The following ZNF16 variants were observed in gnomAD, a reference collection of about 807,000 sequenced individuals.
ZNF16 encodes the protein zinc finger protein KOX9.
ZNF16 carries 7 observed loss-of-function variants against 9.0 expected under a neutral mutation model. The ratio of observed to expected loss-of-function variants is 0.78; its 90% confidence interval spans 0.44 to 1.47. The LOEUF is 1.47. Ranked by LOEUF, ZNF16 falls within the 40% of genes most tolerant of loss-of-function variation. The probability of loss-of-function intolerance (pLI) is 0.01; values close to 1 mark genes in which losing one functional copy is unlikely to be tolerated. For missense variants in ZNF16, 830 were observed against 854.2 expected (o/e 0.97, Z 0.35); for synonymous variants, 312 against 301.5 (o/e 1.03, Z -0.36).
chr8:144,935,030 C>G (rs1284922852), intron 2 of ZNF16, among the ~76,000 whole-genome samples: 1 of 152,006 alleles, frequency 6.6e-6, no homozygotes, highest in Non-Finnish European at 1.5e-5. Flanking sequence ...AGATCAAAGT[C>G]TTTTATTGAG....
chr8:144,930,945 T>G lies in ZNF16; in HGVS notation c.1842A>C (p.Ser614=), dbSNP rs762714152. 2 of 1,613,770 alleles carry G rather than the reference T, an allele frequency of 1.2e-6. No homozygotes were observed. The highest frequency in any genetic ancestry group is 2.2e-5 in the South Asian group (2 of 91,010). ...VECGKGFSQS[S]HLIQHQIIHT... is the part of the protein sequence containing the mutation. ...GGATTATCTGATGCTGAATGAGGTG[T>G]GAGCTCTGGCTGAAGCCCTTACCAC... The change falls in exon 3 of 3, where the codon TCA becomes TCC. Residue 614 remains serine, a synonymous_variant. Transcript: ENST00000394909.
Position 144,930,591 on chromosome 8 carries a change from G to A in ZNF16, c.*147C>T, listed in dbSNP as rs997374939. Reference sequence around the variant, plus strand: ...GGGAGCCTGTAAAGGATGTTTCAAAGGAGGGTCCCAGGCTATGTGGCCACT... The same window carrying A: ...GGGAGCCTGTAAAGGATGTTTCAAAAGAGGGTCCCAGGCTATGTGGCCACT... On this transcript the variant is annotated 3_prime_UTR_variant, in exon 3 of 3. Coordinates refer to ENST00000394909, the MANE Select transcript of ZNF16 (RefSeq NM_006958.3). The A allele has an allele frequency of 6.1e-6, 5 of 819,680 alleles. No homozygotes were observed. The highest frequency in any genetic ancestry group is 9.2e-6 in the Non-Finnish European group (5 of 542,886). The allele number at this position is 819,680 out of a possible 1,614,324, so 50.8% of individuals were successfully genotyped here.
At chr8:144,950,463 G>A (rs1390955402) in intron 1 of ZNF16, 1 of 152,154 alleles carries the variant, frequency 6.6e-6, no homozygotes, top group Non-Finnish European at 1.5e-5. Context: ...CGCTCCGCCC[G>A]AGCTCGAATG....
intron 2 of ZNF16, among the ~76,000 whole-genome samples, chr8:144,937,137 C>CTTTTTTTTTTTT (rs1554659152): frequency 8.9e-6 from 1 of 112,992 alleles, no homozygotes. Flanking sequence ...CACTTTCTTT[C>CTTTTTTTTTTTT]TCTCTCTTTT....
chr8:144,950,027 A>C (rs1586964036), intron 1 of ZNF16, among the ~76,000 whole-genome samples: 1 of 152,192 alleles, frequency 6.6e-6, no homozygotes, highest in African/African-American at 2.4e-5. Context: ...CAGGAGAAAA[A>C]CTGCCCTATG....
At chr8:144,945,966 C>T (rs1056221960) in intron 2 of ZNF16, 45 bp downstream of exon 2, 2 of 1,607,998 alleles carry the variant, frequency 1.2e-6, no homozygotes, top group Admixed American at 1.7e-5. Flanking sequence ...ATGGACATCA[C>T]TTCCCCAGAA....
Position 144,930,817 on chromosome 8 carries a change from T to C in ZNF16, c.1970A>G (p.Tyr657Cys), listed in dbSNP as rs769058557. Reference sequence around the variant, plus strand: ...GGCTTTCCCACAAGCAGCACAGTCATAGGGCTTCACCCCAGTGTGAATCCT... The same window carrying C: ...GGCTTTCCCACAAGCAGCACAGTCACAGGGCTTCACCCCAGTGTGAATCCT... ...HQRIHTGVKP[Y>C]DCAACGKAFS... The change falls in exon 3 of 3, where the codon TAT (tyrosine) becomes TGT (cysteine). Residue 657 changes from tyrosine to cysteine, a missense_variant. Physicochemically the swap from Tyr to Cys is radical, Grantham distance 194. Transcript: ENST00000394909. 5 of 1,580,838 alleles carry C rather than the reference T, an allele frequency of 3.2e-6. No individual in the cohort carries two copies. Among genetic ancestry groups the C allele is most frequent in the African/African-American group, 2.7e-5 (2 of 74,002 alleles).
rs1251975852 is a variant in ZNF16 at position 144,947,161 on chromosome 8, A to G, written c.-9-946T>C. 7.2e-3 allele frequency among the ~76,000 whole-genome samples: 569 copies of G among 78,712 alleles called. 23 individuals carry two copies. The highest frequency in any genetic ancestry group is 0.03 in the African/African-American group (533 of 17,596). 51.6% of individuals were successfully genotyped at this position (78,712 alleles called of 152,430 possible). A position where few individuals can be genotyped will look rare whatever the true frequency, so the allele number is the denominator to read the frequency against. ...GGGCCATACCCTTCTGTGGGCCTGT[A>G]CCCTGCTGTGGGCCTGTGTCCTGCT... On this transcript the variant is annotated intron_variant, in intron 1 of 2. Transcript: ENST00000394909.
At chr8:144,950,121 G>A (rs1473280087) in intron 1 of ZNF16, among the ~76,000 whole-genome samples, 1 of 151,862 alleles carries the variant, frequency 6.6e-6, no homozygotes, top group African/African-American at 2.4e-5. Flanking sequence ...AAACAAATCT[G>A]GCCTACGTGC....
intron 1 of ZNF16, among the ~76,000 whole-genome samples, chr8:144,946,557 C>CCTGCTGTGGGCCCG (rs1554660315): frequency 8.2e-6 from 1 of 122,304 alleles, no homozygotes; most frequent in Non-Finnish European, 1.7e-5. Context: ...GCTGTGGGGC[C>CCTGCTGTGGGCCCG]TGTACCCTGC....
rs1833528605 is a variant in ZNF16 at position 144,931,261 on chromosome 8, C to G, written c.1526G>C (p.Gly509Ala). ...SHSSALIQHQ[G>A]VHTGDKPYAC... is the part of the protein sequence containing the mutation. ...GTAGGGCTTGTCGCCTGTGTGCACG[C>G]CCTGGTGCTGAATGAGGGCTGAGCT... The change falls in exon 3 of 3, where the codon GGC becomes GCC. Residue 509 changes from glycine (G) to alanine (A), a missense_variant. Transcript: ENST00000394909. The G allele has an allele frequency of 6.2e-7, 1 of 1,613,858 alleles. No homozygotes were observed. The highest frequency in any genetic ancestry group is 1.3e-5 in the African/African-American group (1 of 74,852).
chr8:144,946,595 G>C (rs1445869381), intron 1 of ZNF16, among the ~76,000 whole-genome samples: 1 of 120,648 alleles, frequency 8.3e-6, no homozygotes, highest in Non-Finnish European at 1.7e-5. Context: ...CTGTGGGTCT[G>C]TATCCTGCTG....
Position 144,932,683 on chromosome 8 carries a change from A to C in ZNF16, c.197-93T>G. On this transcript the variant is annotated intron_variant, in intron 2 of 2. Coordinates refer to ENST00000394909, the MANE Select transcript of ZNF16 (RefSeq NM_006958.3). The surrounding 1 kb of genome is among the most constrained non-coding windows in gnomAD (Gnocchi z 5.0). The stretch of plus-strand genomic sequence containing the variant: ...CAGTTGCACCCACTAACTGTGGAGG[A>C]GGCAAGGGGAGCAGGGGATCCTCTG... The C allele has an allele frequency of 7.3e-7, 1 of 1,362,748 alleles. No individual in the cohort carries two copies. The highest frequency in any genetic ancestry group is 1.0e-6 in the Non-Finnish European group (1 of 993,718). 84.4% of individuals were successfully genotyped at this position (1,362,748 alleles called of 1,614,324 possible).
chr8:144,946,230 G>T lies in ZNF16; in HGVS notation c.-9-15C>A. On this transcript the variant is annotated splice_polypyrimidine_tract_variant and intron_variant, in intron 1 of 2. Coordinates refer to ENST00000394909, the MANE Select transcript of ZNF16 (RefSeq NM_006958.3). ...ATGACAAGGACCTGAAAACCGGCAA[G>T]AACACAGGTGAGTCTACAGACAGGC... The T allele has an allele frequency of 1.3e-6, 2 of 1,497,926 alleles. No homozygotes were observed. Among genetic ancestry groups the T allele is most frequent in the Non-Finnish European group, 8.9e-7 (1 of 1,118,850 alleles). 92.8% of individuals were successfully genotyped at this position (1,497,926 alleles called of 1,614,324 possible).
chr8:144,945,868 C>G (rs1489991514), intron 2 of ZNF16, 143 bp downstream of exon 2: 1 of 1,427,606 alleles, frequency 7.0e-7, no homozygotes, highest in Non-Finnish European at 9.2e-7. Flanking sequence ...TTGCTGACAT[C>G]CAGCCTTGGC....
intron 1 of ZNF16, among the ~76,000 whole-genome samples, chr8:144,947,016 ATCCTGCTGTTGGGCCTGTG>A (rs1315122362): frequency 1.4e-4 from 6 of 41,558 alleles, no homozygotes; most frequent in Admixed American, 3.0e-4. Context: ...GTGGGCCTGT[ATCCTGCTGTTGGGCCTGTG>A]TCCTGCTGTT....
At chr8:144,938,394 T>A (rs978938565) in intron 2 of ZNF16, among the ~76,000 whole-genome samples, 5 of 152,274 alleles carry the variant, frequency 3.3e-5, no homozygotes, top group Non-Finnish European at 5.9e-5. Context: ...CATGAACACA[T>A]GATGCCTTCT....
intron 2 of ZNF16, among the ~76,000 whole-genome samples, chr8:144,942,063 C>T (rs1245583661): frequency 4.9e-5 from 7 of 144,010 alleles, no homozygotes; most frequent in Admixed American, 1.4e-4. Flanking sequence ...TTGCAAGCTC[C>T]GTCTCCCGGG....
intron 1 of ZNF16, among the ~76,000 whole-genome samples, chr8:144,946,540 G>GTCTACTGCTGTGGGCC (rs1833935629): frequency 8.0e-6 from 1 of 125,494 alleles, no homozygotes; most frequent in African/African-American, 3.0e-5. Flanking sequence ...TGTGGGGCCT[G>GTCTACTGCTGTGGGCC]TGTACTGCTG....
Sources: allele counts gnomAD v4.1 joint callset (sites outside exome capture counted in the v4.1 genomes callset), GRCh38; gene constraint gnomAD v4.1.1; non-coding constraint Gnocchi (gnomAD v3.1); transcripts MANE v1.5; gene names NCBI Gene and HGNC (gene_info 2026-07-23, HGNC 2026-07-21).